MIOS: variants seen among roughly 807,000 people sequenced by gnomAD.
The protein encoded by MIOS is meiosis regulator for oocyte development.
Under a neutral mutation model 96.9 loss-of-function variants are expected in MIOS, and 52 were observed. That is an observed-to-expected ratio of 0.54 (90% confidence interval 0.43 to 0.68). The LOEUF (loss-of-function observed/expected upper bound fraction) is 0.68. Ranked by LOEUF, MIOS falls within the 30% of genes least tolerant of loss-of-function variation. The pLI, the probability that MIOS is intolerant of heterozygous loss-of-function variation, is 0.00. For missense variants in MIOS, 1,005 were observed against 1,052.8 expected (o/e 0.95, Z 0.63); for synonymous variants, 397 against 359.5 (o/e 1.10, Z -1.18).
rs929559689 is a variant in MIOS at position 7,582,630 on chromosome 7, A to G, written c.1394-488A>G. ...TGTAATCTTGTTTTTTAATGTACAG[A>G]GAAAGAAGGAAGAAAGCAAGATCAC... On this transcript the variant is annotated intron_variant, in intron 5 of 12. Transcript: ENST00000340080. The G allele has an allele frequency of 4.1e-6, 4 of 978,764 alleles. No individual in the cohort carries two copies. The African/African-American group carries it at 7.0e-5, about 17-fold the overall frequency. The allele number at this position is 978,764 out of a possible 1,614,324, so 60.6% of individuals were successfully genotyped here.
chr7:7,574,021 T>C (rs1783445197), intron 4 of MIOS, 77 bp from the exon 5 acceptor site: 4 of 1,182,484 alleles, frequency 3.4e-6, no homozygotes, highest in Non-Finnish European at 4.8e-6. Context: ...TTATTATGAA[T>C]TGGCTCCAAA....
chr7:7,606,561 A>T (rs565955410), intron 12 of MIOS, among the ~76,000 whole-genome samples: 1 of 152,288 alleles, frequency 6.6e-6, no homozygotes, highest in South Asian at 2.1e-4. Context: ...ATTTATACCC[A>T]GTTTGTCTTA....
chr7:7,589,363 G>C, intron 8 of MIOS, 42 bp from the exon 9 acceptor site: 1 of 1,580,052 alleles, frequency 6.3e-7, no homozygotes, highest in Non-Finnish European at 8.7e-7. Context: ...AAAATACATA[G>C]TGAAACAGAT....
chr7:7,581,899 G>A (rs1462929503), intron 5 of MIOS: 1 of 151,912 alleles, frequency 6.6e-6, no homozygotes, highest in Non-Finnish European at 1.5e-5. Context: ...CTGAGTAAGG[G>A]CCTTAATTAT....
chr7:7,583,136 G>T lies in MIOS; in HGVS notation c.1412G>T (p.Arg471Ile). The T allele has an allele frequency of 6.2e-7, 1 of 1,612,738 alleles. No individual in the cohort carries two copies. The highest frequency in any genetic ancestry group is 8.5e-7 in the Non-Finnish European group (1 of 1,179,140). Residue 471 changes from arginine to isoleucine, a missense_variant, in exon 6 of 13, where the codon AGA becomes ATA. Arg to Ile is a moderately conservative substitution (Grantham distance 97, BLOSUM62 -3). Around this residue, in one of 3 missense-constraint regions of MIOS, gnomAD observed 865 missense variants for 887.9 expected, o/e 0.97. Transcript: ENST00000340080. Reference protein sequence around the residue: ...KSSLGMVESSRHNWSGLDKQS... With the variant: ...KSSLGMVESSIHNWSGLDKQS... Reference sequence around the variant, plus strand: ...TTTTTAGGAATGGTGGAAAGCAGCAGACATAATTGGAGTGGGTTGGATAAG... The same window carrying T: ...TTTTTAGGAATGGTGGAAAGCAGCATACATAATTGGAGTGGGTTGGATAAG...
chr7:7,585,681 C>T lies in MIOS; in HGVS notation c.1694C>T (p.Thr565Met), dbSNP rs753727936. 1.9e-6 allele frequency: 3 copies of T among 1,606,966 alleles called. No individual in the cohort carries two copies. The highest frequency in any genetic ancestry group is 2.3e-5 in the East Asian group (1 of 44,276). ...GTAGCAATGGCTTTATCGGGTTATA[C>T]GGATGAGAAGAACTCCCTTTGGAGA... ...NVVAMALSGY[T>M]DEKNSLWREM... Residue 565 changes from threonine (T) to methionine (M), a missense_variant, in exon 7 of 13, where the codon ACG becomes ATG. By Grantham distance (81) the Thr-to-Met change is moderately conservative (BLOSUM62 -1). Around this residue, in one of 3 missense-constraint regions of MIOS, gnomAD observed 865 missense variants for 887.9 expected, o/e 0.97. Coordinates refer to ENST00000340080, the MANE Select transcript of MIOS (RefSeq NM_019005.4).
intron 11 of MIOS, among the ~76,000 whole-genome samples, chr7:7,604,441 A>G (rs753697043): frequency 1.9e-4 from 29 of 152,198 alleles, no homozygotes; most frequent in Admixed American, 9.2e-4. Context: ...CATTATAAAT[A>G]TTATTTATTC....
In MIOS at chr7:7,583,331, G is replaced by A. The variant is rs199517384; in HGVS notation, c.1607G>A (p.Arg536Gln). 4.7e-5 allele frequency: 76 copies of A among 1,613,344 alleles called. No individual in the cohort carries two copies. The highest frequency in any genetic ancestry group is 5.6e-5 in the Non-Finnish European group (66 of 1,179,628). ...AVALFNLDIR[R>Q]AIQILNEGAS... The stretch of plus-strand genomic sequence containing the variant: ...GCATTGTTCAACTTGGATATTCGCC[G>A]AGCAATCCAAATCCTGAATGAAGGG... The change falls in exon 6 of 13, where the codon CGA (arginine) becomes CAA (glutamine). Residue 536 changes from arginine to glutamine, a missense_variant. Physicochemically the swap from Arg to Gln is conservative, Grantham distance 43. Coordinates refer to ENST00000340080, the MANE Select transcript of MIOS (RefSeq NM_019005.4).
chr7:7,597,639 G>T (rs1784255668), intron 11 of MIOS, among the ~76,000 whole-genome samples: 1 of 150,958 alleles, frequency 6.6e-6, no homozygotes, highest in South Asian at 2.1e-4. Flanking sequence ...CTAATAAACA[G>T]AAAATAACAA....
In MIOS at chr7:7,594,960, A is replaced by C; in HGVS notation, c.2044-20A>C. On this transcript the variant is annotated intron_variant, in intron 9 of 12. Coordinates refer to ENST00000340080, the MANE Select transcript of MIOS (RefSeq NM_019005.4). ...CCAGGAGATTTTAAACAATTGAAAT[A>C]ATTCATGTTTTCGTTTTAGGGTTCA... 3.1e-5 allele frequency: 44 copies of C among 1,437,408 alleles called. No individual in the cohort carries two copies. Among genetic ancestry groups the C allele is most frequent in the African/African-American group, 4.3e-5 (3 of 70,238 alleles). 89.0% of individuals were successfully genotyped at this position (1,437,408 alleles called of 1,614,324 possible). A position where few individuals can be genotyped will look rare whatever the true frequency, so the allele number is the denominator to read the frequency against.
At chr7:7,592,864 C>T (rs988186916) in intron 9 of MIOS, among the ~76,000 whole-genome samples, 16 of 152,130 alleles carry the variant, frequency 1.1e-4, no homozygotes, top group African/African-American at 3.6e-4. Context: ...CAGTTTGTAC[C>T]AGGCTGTGGA....
chr7:7,571,235 G>C (rs538927315), intron 3 of MIOS, among the ~76,000 whole-genome samples: 25 of 152,238 alleles, frequency 1.6e-4, no homozygotes, highest in African/African-American at 6.0e-4. Flanking sequence ...AATTTTTGTA[G>C]GCAACCTTAA....
At chr7:7,595,184 T>G in intron 10 of MIOS, 52 bp downstream of exon 10, 2 of 1,558,536 alleles carry the variant, frequency 1.3e-6, no homozygotes, top group Non-Finnish European at 1.7e-6. Context: ...GATGTTCAAT[T>G]TAATAAGTTA....
chr7:7,575,731 G>A (rs1783507765), intron 5 of MIOS, among the ~76,000 whole-genome samples: 1 of 152,084 alleles, frequency 6.6e-6, no homozygotes, highest in African/African-American at 2.4e-5. Flanking sequence ...AAGCAAAAGG[G>A]GAAAATGTAA....
rs566183401 is a variant in MIOS, at chr7:7,603,093, G to A, written c.2402-2849G>A. Among the ~76,000 whole-genome samples, 422 of 152,218 alleles carry A rather than the reference G, an allele frequency of 2.8e-3. 2 individuals are homozygous for A. The highest frequency in any genetic ancestry group is 9.7e-3 in the African/African-American group (401 of 41,512). On this transcript the variant is annotated intron_variant, in intron 11 of 12. Transcript: ENST00000340080. ...TTCAAGATGGATTAAAGACTTAAACGTTAGACCTAAAACCGTAAAAACCCT... is the reference window on the plus strand; with the variant it reads ...TTCAAGATGGATTAAAGACTTAAACATTAGACCTAAAACCGTAAAAACCCT...
At chr7:7,604,134 G>C (rs1050705628) in intron 11 of MIOS, among the ~76,000 whole-genome samples, 1 of 151,918 alleles carries the variant, frequency 6.6e-6, no homozygotes, top group African/African-American at 2.4e-5. Context: ...TTAATGGGTG[G>C]AGCACACCAA....
At chr7:7,567,930 G>A (rs750289443) in intron 2 of MIOS, 96 bp from the exon 3 acceptor site, 1 of 152,196 alleles carries the variant, frequency 6.6e-6, no homozygotes, top group African/African-American at 2.4e-5. Context: ...TAAATAAAAT[G>A]TGTTTTTAAA....
chr7:7,590,894 T>G (rs1481780949), intron 9 of MIOS, among the ~76,000 whole-genome samples: 1 of 152,230 alleles, frequency 6.6e-6, no homozygotes, highest in African/African-American at 2.4e-5. Context: ...TACTTCATGC[T>G]TCACAAATGT....
In MIOS at chr7:7,573,637, A is replaced by G; in HGVS notation, c.1162A>G (p.Lys388Glu). ...TEEENDNSLEKDIATKMRLRA... is the reference protein window; with the variant it reads ...TEEENDNSLEEDIATKMRLRA... ...AGAAGAAAATGATAATTCTTTAGAA[A>G]AAGATATAGCAACGAAGATGCGTCT... Residue 388 changes from lysine to glutamate, a missense_variant, in exon 4 of 13, where the codon AAA (lysine) becomes GAA (glutamate). By Grantham distance (56) the Lys-to-Glu change is moderately conservative (BLOSUM62 1). Coordinates refer to ENST00000340080, the MANE Select transcript of MIOS (RefSeq NM_019005.4). The surrounding 1 kb of genome is among the most constrained non-coding windows in gnomAD (Gnocchi z 5.0). The G allele has an allele frequency of 6.2e-7, 1 of 1,614,084 alleles. No homozygotes were observed. The highest frequency in any genetic ancestry group is 1.3e-5 in the African/African-American group (1 of 75,056).
Sources: allele counts gnomAD v4.1 joint callset (sites outside exome capture counted in the v4.1 genomes callset), GRCh38; gene constraint gnomAD v4.1.1; regional missense constraint gnomAD v4.1.1; non-coding constraint Gnocchi (gnomAD v3.1); transcripts MANE v1.5; gene names NCBI Gene and HGNC (gene_info 2026-07-23, HGNC 2026-07-21).